Variants in ADAM22 observed in about 807,000 individuals in gnomAD.
ADAM22 encodes the protein disintegrin and metalloproteinase domain-containing protein 22.
In ADAM22, 65 loss-of-function variants were observed where a neutral mutation model predicts 144.6. That is an observed-to-expected ratio of 0.45 (90% CI 0.37 to 0.55). The LOEUF (loss-of-function observed/expected upper bound fraction) is 0.55, where lower values mean the gene tolerates loss of function less well. Among genes scored for constraint, ADAM22 ranks in the 20% least tolerant of loss-of-function variants. ADAM22 has a pLI of 0.00. For synonymous variants in ADAM22, 391 were observed against 412.6 expected, an observed-to-expected ratio of 0.95 and a Z score of 0.63; for missense variants, 974 against 1,184.9, an observed-to-expected ratio of 0.82 and a Z score of 2.61.
At chr7:87,947,451 T>C (rs1843970601) in intron 2 of ADAM22, among the ~76,000 whole-genome samples, 1 of 152,006 alleles carries the variant, frequency 6.6e-6, no homozygotes, top group African/African-American at 2.4e-5. Flanking sequence ...GGTAAGTTAC[T>C]AGAGGTAAGA....
chr7:88,161,780 AATG>A (rs1841710628), intron 22 of ADAM22, among the ~76,000 whole-genome samples: 1 of 152,120 alleles, frequency 6.6e-6, no homozygotes, highest in South Asian at 2.1e-4. Flanking sequence ...CACCAGTCAG[AATG>A]ATTATTATTA....
rs1393486468 is a variant in ADAM22 at position 87,935,020 on chromosome 7, C to G, written c.86-6C>G. The stretch of plus-strand genomic sequence containing the variant: ...CACTCCCTCCTTTCCCGGTTCCTGC[C>G]TGGAGGAGACGCCTCATTGATGGAG... On this transcript the variant is annotated splice_region_variant and splice_polypyrimidine_tract_variant and intron_variant, in intron 1 of 31. Coordinates refer to ENST00000413139, the MANE Select transcript of ADAM22 (RefSeq NM_001324418.2). 3 of 1,614,132 alleles carry G rather than the reference C, an allele frequency of 1.9e-6. No homozygotes were observed. The highest frequency in any genetic ancestry group is 3.3e-5 in the Admixed American group (2 of 60,026).
chr7:88,057,488 T>C lies in ADAM22; in HGVS notation c.324-18138T>C, dbSNP rs538680074. Among the ~76,000 whole-genome samples the C allele has an allele frequency of 6.6e-5, 10 of 152,362 alleles. No homozygotes were observed. In the East Asian group the frequency reaches 1.7e-3, roughly 26 times the overall value. On this transcript the variant is annotated intron_variant, in intron 3 of 31. Transcript: ENST00000413139. The stretch of plus-strand genomic sequence containing the variant: ...CCAAAAGATAAGCTTTAATTAAGTT[T>C]TGAACTATGGCAGCATCATTGACAT...
At chr7:87,994,306 G>A (rs1421093927) in intron 3 of ADAM22, among the ~76,000 whole-genome samples, 2 of 151,980 alleles carry the variant, frequency 1.3e-5, no homozygotes, top group African/African-American at 2.4e-5. Context: ...GACTACAGGC[G>A]CCCGCCACCA....
intron 4 of ADAM22, among the ~76,000 whole-genome samples, chr7:88,083,259 G>A (rs1036534403): frequency 3.9e-5 from 6 of 151,918 alleles, no homozygotes; most frequent in African/African-American, 1.5e-4. Flanking sequence ...AACACCGCAT[G>A]TTCTCACTCA....
chr7:88,099,348 A>G (rs901485485), intron 4 of ADAM22, among the ~76,000 whole-genome samples: 1 of 152,162 alleles, frequency 6.6e-6, no homozygotes, highest in African/African-American at 2.4e-5. Context: ...ACATTTTCTT[A>G]CCCTGGTATC....
At chr7:88,136,460 G>T (rs149414475) in intron 14 of ADAM22, among the ~76,000 whole-genome samples, 345 of 152,166 alleles carry the variant, frequency 2.3e-3, no homozygotes, top group African/African-American at 7.9e-3. Flanking sequence ...AGCCATTACT[G>T]ATGGCTTCAT....
At chr7:88,021,446 A>C (rs1273017446) in intron 3 of ADAM22, among the ~76,000 whole-genome samples, 1 of 152,240 alleles carries the variant, frequency 6.6e-6, no homozygotes, top group Non-Finnish European at 1.5e-5. Context: ...CACAAAAGAC[A>C]ATATGACACA....
intron 3 of ADAM22, among the ~76,000 whole-genome samples, chr7:88,026,698 A>G (rs1799105626): frequency 6.6e-6 from 1 of 152,130 alleles, no homozygotes; most frequent in Admixed American, 6.5e-5. Context: ...TCCCTTTCCA[A>G]TTTGGTTGCT....
rs1046216699 is a variant in ADAM22, at chr7:88,198,218, T to TGA, written c.*1728_*1729dup. The TGA allele has an allele frequency of 6.6e-5, 10 of 152,236 alleles. No individual in the cohort carries two copies. Among genetic ancestry groups the TGA allele is most frequent in the African/African-American group, 2.4e-4 (10 of 41,462 alleles). The allele number at this position is 152,236 out of a possible 1,614,324, so 9.4% of individuals were successfully genotyped here. On this transcript the variant is annotated 3_prime_UTR_variant, in exon 32 of 32. Coordinates refer to ENST00000413139, the MANE Select transcript of ADAM22 (RefSeq NM_001324418.2). ...ATATCATCTTCATATGTAATCAATT[T>TGA]GATTACATATCATGCCCAAACTGAA... is the stretch of plus-strand genomic sequence containing the variant.
intron 4 of ADAM22, among the ~76,000 whole-genome samples, chr7:88,092,706 C>CTAGGTCCATCATCATG (rs1328793787): frequency 2.0e-5 from 3 of 152,212 alleles, no homozygotes; most frequent in African/African-American, 2.4e-5. Context: ...CAAGGTTGCT[C>CTAGGTCCATCATCATG]TAGGTCCATC....
intron 19 of ADAM22, 71 bp from the exon 20 acceptor site, chr7:88,151,186 T>C (rs1311941697): frequency 5.0e-6 from 8 of 1,589,660 alleles, no homozygotes; most frequent in Non-Finnish European, 6.9e-6. Context: ...TTCCCAATCA[T>C]AGTTTCTTTT....
intron 2 of ADAM22, among the ~76,000 whole-genome samples, chr7:87,952,683 T>A (rs1211395979): frequency 6.6e-6 from 1 of 152,086 alleles, no homozygotes; most frequent in East Asian, 1.9e-4. Flanking sequence ...GATTCCCTCT[T>A]TTTCTATTGA....
At chr7:88,115,472 CTT>C (rs1354864196) in intron 6 of ADAM22, among the ~76,000 whole-genome samples, 1 of 152,166 alleles carries the variant, frequency 6.6e-6, no homozygotes, top group East Asian at 1.9e-4. Flanking sequence ...GGTGAGGGCT[CTT>C]TGCTTGAGTT....
At chr7:88,111,434 C>T (rs1324848269) in intron 5 of ADAM22, among the ~76,000 whole-genome samples, 2 of 151,672 alleles carry the variant, frequency 1.3e-5, no homozygotes, top group African/African-American at 2.4e-5. Flanking sequence ...AAATCAGATT[C>T]GTATATCTTT....
At chr7:88,195,880 G>A (rs546894025) in intron 31 of ADAM22, among the ~76,000 whole-genome samples, 1 of 152,238 alleles carries the variant, frequency 6.6e-6, no homozygotes, top group East Asian at 1.9e-4. Flanking sequence ...TTTTCAAGTG[G>A]GTGATGGTGG....
intron 2 of ADAM22, among the ~76,000 whole-genome samples, chr7:87,941,348 C>T (rs1205513784): frequency 6.6e-6 from 1 of 152,132 alleles, no homozygotes; most frequent in Admixed American, 6.6e-5. Flanking sequence ...TATACATATT[C>T]CTGTGCATGG....
At chr7:88,177,357 A>T (rs956409284) in intron 26 of ADAM22, among the ~76,000 whole-genome samples, 1 of 152,134 alleles carries the variant, frequency 6.6e-6, no homozygotes, top group Non-Finnish European at 1.5e-5. Context: ...AGGGGAAGAT[A>T]TAGCTGGTGT....
intron 3 of ADAM22, among the ~76,000 whole-genome samples, chr7:88,031,671 T>G (rs11770982): frequency 0.43 from 65,102 of 152,118 alleles, 14,613 homozygotes; most frequent in East Asian, 0.59. Context: ...GAACTTATAT[T>G]TAAAAGGGAA....
Sources: gnomAD v4.1 joint callset for allele counts (sites outside exome capture counted in the v4.1 genomes callset) on GRCh38, gnomAD v4.1.1 for gene constraint, MANE v1.5 for transcripts, NCBI Gene and HGNC (gene_info 2026-07-23, HGNC 2026-07-21) for gene names.